TACR1: variants seen among roughly 807,000 people sequenced by gnomAD.
The protein encoded by TACR1 is substance-P receptor.
Under a neutral mutation model 35.8 loss-of-function variants are expected in TACR1, and 25 were observed. That is an observed-to-expected ratio of 0.70 (90% CI 0.51 to 0.98). TACR1 has a LOEUF of 0.98. Among genes scored for constraint, TACR1 ranks in the 50% least tolerant of loss-of-function variants. The pLI, the probability that TACR1 is intolerant of heterozygous loss-of-function variation, is 0.00. For missense variants in TACR1, 478 were observed against 522.9 expected, an observed-to-expected ratio of 0.91 and a Z score of 0.84; for synonymous variants, 195 against 206.7, an observed-to-expected ratio of 0.94 and a Z score of 0.48.
chr2:75,058,300 G>A (rs1672610059), intron 2 of TACR1, among the ~76,000 whole-genome samples: 1 of 152,140 alleles, frequency 6.6e-6, no homozygotes, highest in Non-Finnish European at 1.5e-5. Flanking sequence ...CTGGAGATAT[G>A]TCTATTTATA....
At chr2:75,094,759 A>G (rs1673379945) in intron 2 of TACR1, among the ~76,000 whole-genome samples, 1 of 151,222 alleles carries the variant, frequency 6.6e-6, no homozygotes, top group Non-Finnish European at 1.5e-5. Context: ...TGCCATTTGC[A>G]TTCAGCGTTC....
chr2:75,059,732 G>A (rs76259115), intron 2 of TACR1, among the ~76,000 whole-genome samples: 1,879 of 152,296 alleles, frequency 0.012, 19 homozygotes, highest in Non-Finnish European at 0.02. Flanking sequence ...AGGTGACCAT[G>A]AACCTGCTGT....
intron 1 of TACR1, among the ~76,000 whole-genome samples, chr2:75,194,823 T>G (rs1675925665): frequency 6.6e-6 from 1 of 152,210 alleles, no homozygotes; most frequent in East Asian, 1.9e-4. Context: ...AGAGAAACAG[T>G]GATACCAGGC....
At chr2:75,175,876 G>T (rs1264037919) in intron 1 of TACR1, among the ~76,000 whole-genome samples, 1 of 152,160 alleles carries the variant, frequency 6.6e-6, no homozygotes, top group Non-Finnish European at 1.5e-5. Context: ...TTTGAAAACA[G>T]ATATCCTGGA....
At chr2:75,193,739 A>G (rs765476494) in intron 1 of TACR1, among the ~76,000 whole-genome samples, 12 of 152,184 alleles carry the variant, frequency 7.9e-5, no homozygotes, top group Non-Finnish European at 1.6e-4. Context: ...TTCCTTGATC[A>G]TTCATCACTG....
At chr2:75,069,232 T>C (rs1321494303) in intron 2 of TACR1, among the ~76,000 whole-genome samples, 1 of 152,244 alleles carries the variant, frequency 6.6e-6, no homozygotes, top group South Asian at 2.1e-4. Context: ...ACATCTTTCA[T>C]CTATAAATTA....
intron 1 of TACR1, among the ~76,000 whole-genome samples, chr2:75,163,871 C>T (rs1682933768): frequency 6.6e-6 from 1 of 152,008 alleles, no homozygotes; most frequent in South Asian, 2.1e-4. Context: ...TAAGTTTCTT[C>T]ATGTTAGTTA....
At chr2:75,081,083 A>G (rs1340244896) in intron 2 of TACR1, among the ~76,000 whole-genome samples, 1 of 152,206 alleles carries the variant, frequency 6.6e-6, no homozygotes, top group African/African-American at 2.4e-5. Context: ...GGGCATGCCA[A>G]TCAATGCATC....
At chr2:75,144,075 G>A (rs1465998457) in intron 1 of TACR1, among the ~76,000 whole-genome samples, 3 of 152,156 alleles carry the variant, frequency 2.0e-5, no homozygotes, top group African/African-American at 4.8e-5. Context: ...TAGTTTCCAC[G>A]ATCATGGGGA....
chr2:75,075,938 C>G (rs1322926494), intron 2 of TACR1, among the ~76,000 whole-genome samples: 4 of 152,194 alleles, frequency 2.6e-5, no homozygotes, highest in Non-Finnish European at 5.9e-5. Context: ...TTGTTTGAAT[C>G]TACATAACAT....
At chr2:75,072,499 G>T (rs2103818248) in intron 2 of TACR1, among the ~76,000 whole-genome samples, 1 of 152,338 alleles carries the variant, frequency 6.6e-6, no homozygotes, top group Non-Finnish European at 1.5e-5. Context: ...ATGAGAGCAT[G>T]AAAAGCCCAA....
At chr2:75,164,538 G>T (rs1675094400) in intron 1 of TACR1, among the ~76,000 whole-genome samples, 1 of 152,014 alleles carries the variant, frequency 6.6e-6, no homozygotes, top group East Asian at 1.9e-4. Flanking sequence ...AGCATAAACT[G>T]ATAATCTAAA....
At chr2:75,085,358 C>G (rs1229319264) in intron 2 of TACR1, among the ~76,000 whole-genome samples, 2 of 152,136 alleles carry the variant, frequency 1.3e-5, no homozygotes, top group African/African-American at 4.8e-5. Context: ...CCCATCTCCT[C>G]ACTTGGTGTC....
chr2:75,125,599 A>G (rs947895276), intron 1 of TACR1, among the ~76,000 whole-genome samples: 15 of 152,290 alleles, frequency 9.8e-5, no homozygotes, highest in African/African-American at 3.1e-4. Flanking sequence ...TGCATAAATG[A>G]TATCTTGGCA....
chr2:75,110,150 A>G (rs1054186177), intron 2 of TACR1, among the ~76,000 whole-genome samples: 10 of 146,734 alleles, frequency 6.8e-5, no homozygotes, highest in Non-Finnish European at 1.5e-4. Flanking sequence ...GTAAAATGGG[A>G]AAAAAATCAG....
intron 2 of TACR1, among the ~76,000 whole-genome samples, chr2:75,055,502 G>T (rs1672550860): frequency 6.6e-6 from 1 of 152,214 alleles, no homozygotes; most frequent in Admixed American, 6.5e-5. Flanking sequence ...TGCTGTAATG[G>T]CATTGCTTGT....
intron 1 of TACR1, among the ~76,000 whole-genome samples, chr2:75,121,449 G>T (rs1288000219): frequency 6.6e-6 from 1 of 152,208 alleles, no homozygotes; most frequent in Non-Finnish European, 1.5e-5. Flanking sequence ...ACACTTCATT[G>T]CAGGAAGAGG....
At chr2:75,094,859 A>ATATATATATATATATATATATATTTTT in intron 2 of TACR1, among the ~76,000 whole-genome samples, 3 of 113,104 alleles carry the variant, frequency 2.7e-5, no homozygotes, top group African/African-American at 1.4e-4. Flanking sequence ...ATATATATAT[A>ATATATATATATATATATATATATTTTT]TTTTTTTTTT....
At chr2:75,101,378 A>G (rs1278119721) in intron 2 of TACR1, among the ~76,000 whole-genome samples, 1 of 152,214 alleles carries the variant, frequency 6.6e-6, no homozygotes, top group East Asian at 1.9e-4. Context: ...ATGAATGATC[A>G]CTGTGTACCA....
Sources: allele counts gnomAD v4.1 joint callset (sites outside exome capture counted in the v4.1 genomes callset), GRCh38; gene constraint gnomAD v4.1.1; transcripts MANE v1.5; gene names NCBI Gene and HGNC (gene_info 2026-07-23, HGNC 2026-07-21).